Variants in CNKSR2 observed in about 807,000 individuals in gnomAD.
The protein encoded by CNKSR2 is CNK homolog protein 2.
Under a neutral mutation model 84.4 loss-of-function variants are expected in CNKSR2, and 14 were observed. That is an observed-to-expected ratio of 0.17 (90% CI 0.11 to 0.26). The LOEUF (loss-of-function observed/expected upper bound fraction) is 0.26. Ranked by LOEUF, CNKSR2 falls within the 10% of genes least tolerant of loss-of-function variation. The probability of loss-of-function intolerance (pLI) is 1.00; values close to 1 mark genes in which losing one functional copy is unlikely to be tolerated. For synonymous variants in CNKSR2, 275 were observed against 277.9 expected, an observed-to-expected ratio of 0.99 and a Z score of 0.10; for missense variants, 485 against 771.2, an observed-to-expected ratio of 0.63 and a Z score of 4.40.
chrX:21,648,462 T>C (rs767295909), intron 20 of CNKSR2, among the ~76,000 whole-genome samples: 4 of 111,993 alleles, frequency 3.6e-5, no homozygotes, highest in African/African-American at 1.3e-4. Flanking sequence ...ATGTGCAGGA[T>C]TGTTTCCATG....
chrX:21,440,222 A>T (rs1218654467), intron 3 of CNKSR2, among the ~76,000 whole-genome samples: 1 of 111,355 alleles, frequency 9.0e-6, no homozygotes, highest in Non-Finnish European at 1.9e-5. Context: ...TGAAGATTAA[A>T]TTACCTGATA....
intron 20 of CNKSR2, chrX:21,645,061 CTTACT>C (rs748271649): frequency 5.6e-4 from 62 of 111,691 alleles, no homozygotes; most frequent in African/African-American, 1.9e-3. Context: ...TCAGTTATCA[CTTACT>C]ACCTAGAGGT....
chrX:21,526,772 G>T lies in CNKSR2; in HGVS notation c.958-95G>T, dbSNP rs192590228. The T allele has an allele frequency of 3.0e-3, 2,296 of 776,299 alleles. 5 individuals are homozygous for T. The highest frequency in any genetic ancestry group is 3.5e-3 in the Non-Finnish European group (1,888 of 539,018). The allele number at this position is 776,299 out of a possible 1,213,427, so 64.0% of individuals were successfully genotyped here. A position where few individuals can be genotyped will look rare whatever the true frequency, so the allele number is the denominator to read the frequency against. On this transcript the variant is annotated intron_variant, in intron 9 of 21. Coordinates refer to ENST00000379510, the MANE Select transcript of CNKSR2 (RefSeq NM_014927.5). ...CTGCAGAAATAGATAATTTTAAAAT[G>T]ATAACTATGTGTCATTGTTGTTGTT...
intron 11 of CNKSR2, among the ~76,000 whole-genome samples, chrX:21,548,725 GATCAAGTCGGCTTC>G (rs1465542366): frequency 2.7e-5 from 3 of 111,666 alleles, no homozygotes; most frequent in African/African-American, 9.8e-5. Flanking sequence ...TATCCACCAC[GATCAAGTCGGCTTC>G]ATCCCTGGGA....
intron 15 of CNKSR2, chrX:21,591,633 A>T (rs1056556107): frequency 9.2e-6 from 1 of 108,995 alleles, no homozygotes; most frequent in African/African-American, 3.3e-5. Context: ...ACCTGAATTT[A>T]TTTCCATTTT....
Position 21,508,222 on chromosome X carries a change from C to G in CNKSR2, c.810+6634C>G, listed in dbSNP as rs2091634232. On this transcript the variant is annotated intron_variant, in intron 8 of 21. Transcript: ENST00000379510. Reference sequence around the variant, plus strand: ...GCATGTGTTTGTAGTTCAAACTACTCAGGAGGCTGAGGCAGGAAGATCACT... The same window carrying G: ...GCATGTGTTTGTAGTTCAAACTACTGAGGAGGCTGAGGCAGGAAGATCACT... Among the ~76,000 whole-genome samples the G allele has an allele frequency of 5.4e-5, 6 of 111,597 alleles. No individual in the cohort carries two copies. The South Asian group carries it at 2.3e-3, about 42-fold the overall frequency.
chrX:21,374,624 A>AGCAGCAGCC lies in CNKSR2; in HGVS notation c.-271_-263dup, dbSNP rs2089774883. The stretch of plus-strand genomic sequence containing the variant: ...CAGCAGCAGCAGCAGCAGCAGCAGC[A>AGCAGCAGCC]GCAGCAGCCGCCGCCGCCGCCGCCT... On this transcript the variant is annotated 5_prime_UTR_variant, in exon 1 of 22. Coordinates refer to ENST00000379510, the MANE Select transcript of CNKSR2 (RefSeq NM_014927.5). 4 of 508,796 alleles carry AGCAGCAGCC rather than the reference A, an allele frequency of 7.9e-6. 1 individual carries two copies. Among genetic ancestry groups the AGCAGCAGCC allele is most frequent in the East Asian group, 7.7e-5 (2 of 25,980 alleles). 41.9% of individuals were successfully genotyped at this position (508,796 alleles called of 1,213,427 possible).
intron 1 of CNKSR2, among the ~76,000 whole-genome samples, chrX:21,391,201 G>T (rs928273671): frequency 5.3e-5 from 6 of 112,667 alleles, no homozygotes; most frequent in African/African-American, 1.9e-4. Context: ...CCATTCCGCA[G>T]TCTGGAAGAT....
chrX:21,379,537 T>C (rs1293547596), intron 1 of CNKSR2, among the ~76,000 whole-genome samples: 3 of 112,397 alleles, frequency 2.7e-5, no homozygotes, highest in African/African-American at 9.7e-5. Context: ...AGAAGAAATG[T>C]TATTTTTCTT....
chrX:21,463,617 C>T (rs1485223547), intron 4 of CNKSR2, among the ~76,000 whole-genome samples: 1 of 111,220 alleles, frequency 9.0e-6, no homozygotes, highest in African/African-American at 3.3e-5. Context: ...GGATGGATAT[C>T]GCTGCTGCTA....
chrX:21,481,247 G>A (rs1203651926), intron 5 of CNKSR2, among the ~76,000 whole-genome samples: 1 of 111,580 alleles, frequency 9.0e-6, no homozygotes, highest in Non-Finnish European at 1.9e-5. Context: ...GGAAACTGAG[G>A]CACACAAAAG....
chrX:21,382,935 G>A (rs2089919060), intron 1 of CNKSR2, among the ~76,000 whole-genome samples: 1 of 111,972 alleles, frequency 8.9e-6, no homozygotes, highest in Admixed American at 9.5e-5. Context: ...CTAAATACAG[G>A]TGCCTCAAGT....
intron 1 of CNKSR2, among the ~76,000 whole-genome samples, chrX:21,414,253 A>G (rs2090386049): frequency 1.8e-5 from 2 of 111,370 alleles, no homozygotes; most frequent in African/African-American, 6.5e-5. Flanking sequence ...TCTTTTGGAT[A>G]TAAGCCATTT....
intron 20 of CNKSR2, among the ~76,000 whole-genome samples, chrX:21,620,561 TAA>T (rs1156449257): frequency 1.8e-5 from 2 of 110,927 alleles, no homozygotes. Flanking sequence ...TTGAATATTT[TAA>T]AGACTCGGAA....
intron 1 of CNKSR2, among the ~76,000 whole-genome samples, chrX:21,412,562 C>A (rs981268751): frequency 8.9e-6 from 1 of 111,827 alleles, no homozygotes; most frequent in Non-Finnish European, 1.9e-5. Context: ...GGTAAGACAT[C>A]ATACTGATGA....
chrX:21,432,874 A>G (rs1215178724), intron 3 of CNKSR2, 60 bp downstream of exon 3: 2 of 1,105,383 alleles, frequency 1.8e-6, no homozygotes, highest in African/African-American at 3.6e-5. Flanking sequence ...TGAATATAAC[A>G]TTATTTTGCA....
chrX:21,489,865 C>T (rs1050726544), intron 5 of CNKSR2, among the ~76,000 whole-genome samples: 1 of 111,408 alleles, frequency 9.0e-6, no homozygotes, highest in Non-Finnish European at 1.9e-5. Flanking sequence ...GGGCATGGTA[C>T]CTGCCTCAGA....
intron 8 of CNKSR2, among the ~76,000 whole-genome samples, chrX:21,507,853 A>G (rs923199794): frequency 8.9e-6 from 1 of 111,861 alleles, no homozygotes; most frequent in Non-Finnish European, 1.9e-5. Context: ...AACATTTTAG[A>G]TAAGGATGCT....
At chrX:21,568,184 G>A (rs1341366945) in intron 13 of CNKSR2, among the ~76,000 whole-genome samples, 1 of 110,831 alleles carries the variant, frequency 9.0e-6, no homozygotes, top group African/African-American at 3.3e-5. Flanking sequence ...GCTACTTGCG[G>A]GGCTAAGGCA....
Sources: gnomAD v4.1 joint callset for allele counts (sites outside exome capture counted in the v4.1 genomes callset) on GRCh38, gnomAD v4.1.1 for gene constraint, MANE v1.5 for transcripts, NCBI Gene and HGNC (gene_info 2026-07-23, HGNC 2026-07-21) for gene names.